Variants in PCMTD1 observed in about 807,000 individuals in gnomAD.
The protein encoded by PCMTD1 is protein-L-isoaspartate O-methyltransferase domain-containing protein 1.
In PCMTD1, 12 loss-of-function variants were observed where a neutral mutation model predicts 37.6. The observed-to-expected ratio is 0.32, with a 90% CI of 0.20 to 0.52. The LOEUF (loss-of-function observed/expected upper bound fraction) is 0.52. PCMTD1 is among the 20% of genes least tolerant of loss of function. PCMTD1 has a pLI of 0.97. For missense variants in PCMTD1, 235 were observed against 421.3 expected, an observed-to-expected ratio of 0.56 and a Z score of 3.87; for synonymous variants, 117 against 135.8, an observed-to-expected ratio of 0.86 and a Z score of 0.96.
At chr8:51,886,644 T>TTGA (rs1156588159) in intron 1 of PCMTD1, among the ~76,000 whole-genome samples, 1 of 152,196 alleles carries the variant, frequency 6.6e-6, no homozygotes, top group Admixed American at 6.5e-5. Flanking sequence ...CTGCACTAGT[T>TTGA]TTATCAGTTT....
At position 51,827,100 on chromosome 8, in the gene PCMTD1, T is replaced by A. The variant is rs2037931829; in HGVS notation, c.706+4344A>T. 7 of 1,000,992 alleles carry A rather than the reference T, an allele frequency of 7.0e-6. No individual in the cohort carries two copies. The South Asian group carries it at 2.3e-4, about 34-fold the overall frequency. The allele number at this position is 1,000,992 out of a possible 1,614,324, so 62.0% of individuals were successfully genotyped here. A position where few individuals can be genotyped will look rare whatever the true frequency, so the allele number is the denominator to read the frequency against. ...CAACAGAAAGCTATTTTAACTTACTTCTACACACCCACAAAAACTTATTCT... is the reference window on the plus strand; with the variant it reads ...CAACAGAAAGCTATTTTAACTTACTACTACACACCCACAAAAACTTATTCT... On this transcript the variant is annotated intron_variant, in intron 5 of 5. Transcript: ENST00000522514.
At chr8:51,851,346 A>AG (rs2038304644) in intron 2 of PCMTD1, among the ~76,000 whole-genome samples, 1 of 152,230 alleles carries the variant, frequency 6.6e-6, no homozygotes, top group Non-Finnish European at 1.5e-5. Context: ...TGTTTACATA[A>AG]GATCTCAAAG....
At chr8:51,885,213 T>C (rs1310287665) in intron 1 of PCMTD1, among the ~76,000 whole-genome samples, 2 of 152,166 alleles carry the variant, frequency 1.3e-5, no homozygotes, top group Non-Finnish European at 2.9e-5. Context: ...AATTACTATA[T>C]CCCACAAACA....
At chr8:51,868,299 GC>G (rs764863793) in intron 1 of PCMTD1, among the ~76,000 whole-genome samples, 9 of 152,130 alleles carry the variant, frequency 5.9e-5, no homozygotes, top group Admixed American at 1.3e-4. Flanking sequence ...GGGCATGGGA[GC>G]TAAAACCTTA....
At chr8:51,863,557 TG>T (rs1454230572) in intron 1 of PCMTD1, among the ~76,000 whole-genome samples, 1 of 152,162 alleles carries the variant, frequency 6.6e-6, no homozygotes, top group African/African-American at 2.4e-5. Context: ...TCAAAGTGGG[TG>T]GGTGGATCAC....
chr8:51,891,587 C>G (rs2038936485), intron 1 of PCMTD1, among the ~76,000 whole-genome samples: 1 of 150,368 alleles, frequency 6.7e-6, no homozygotes, highest in African/African-American at 2.4e-5. Context: ...CACTCAAATC[C>G]CAAATTTAGC....
intron 1 of PCMTD1, among the ~76,000 whole-genome samples, chr8:51,878,254 T>TTTG (rs1167154057): frequency 1.3e-4 from 19 of 149,492 alleles, no homozygotes; most frequent in South Asian, 8.5e-4. Context: ...TTTTTGGTTT[T>TTTG]TTTTTTTTTT....
chr8:51,846,212 C>T (rs1333687359), intron 2 of PCMTD1, among the ~76,000 whole-genome samples: 1 of 152,160 alleles, frequency 6.6e-6, no homozygotes, highest in Non-Finnish European at 1.5e-5. Flanking sequence ...CCAGTAGAGG[C>T]TAAATTCCCA....
chr8:51,897,476 G>A (rs1434385028), intron 1 of PCMTD1, among the ~76,000 whole-genome samples: 1 of 151,352 alleles, frequency 6.6e-6, no homozygotes. Flanking sequence ...AATTACAAGT[G>A]TTCAACTGAC....
At chr8:51,847,679 T>C (rs2038242484) in intron 2 of PCMTD1, among the ~76,000 whole-genome samples, 2 of 152,126 alleles carry the variant, frequency 1.3e-5, no homozygotes, top group Admixed American at 6.5e-5. Context: ...ATTATGTACA[T>C]AGTAAGAAAA....
At chr8:51,829,627 G>A (rs761743928) in intron 5 of PCMTD1, among the ~76,000 whole-genome samples, 3 of 152,040 alleles carry the variant, frequency 2.0e-5, no homozygotes, top group Non-Finnish European at 2.9e-5. Context: ...AAAACTAGCC[G>A]AGCATGGTGG....
At chr8:51,844,292 T>A (rs568306833) in intron 3 of PCMTD1, among the ~76,000 whole-genome samples, 1 of 152,274 alleles carries the variant, frequency 6.6e-6, no homozygotes, top group East Asian at 1.9e-4. Context: ...AAAATGTGCA[T>A]TACGTGTTGT....
intron 3 of PCMTD1, chr8:51,845,408 G>C: frequency 2.9e-6 from 1 of 340,792 alleles, no homozygotes; most frequent in Non-Finnish European, 5.5e-6. Flanking sequence ...AAAGATAGCT[G>C]AATGTTTAAT....
chr8:51,842,983 TAATTA>T (rs1247306841), intron 3 of PCMTD1, among the ~76,000 whole-genome samples: 1 of 152,186 alleles, frequency 6.6e-6, no homozygotes, highest in Non-Finnish European at 1.5e-5. Context: ...GAACCATACA[TAATTA>T]AATAAAACTG....
chr8:51,846,774 T>TGTAAAATA, intron 2 of PCMTD1, among the ~76,000 whole-genome samples: 2 of 152,238 alleles, frequency 1.3e-5, no homozygotes, highest in African/African-American at 4.8e-5. Context: ...TGTTTGAATG[T>TGTAAAATA]TGAAACAGTA....
At chr8:51,886,393 C>T (rs930050376) in intron 1 of PCMTD1, among the ~76,000 whole-genome samples, 1 of 152,178 alleles carries the variant, frequency 6.6e-6, no homozygotes, top group African/African-American at 2.4e-5. Flanking sequence ...GTGAAAAGCC[C>T]TTTTGTCAAT....
chr8:51,865,029 G>A (rs2038530667), intron 1 of PCMTD1, among the ~76,000 whole-genome samples: 1 of 152,054 alleles, frequency 6.6e-6, no homozygotes, highest in South Asian at 2.1e-4. Flanking sequence ...TATCACAGAA[G>A]TACAAAGGGT....
chr8:51,825,263 C>T (rs1051544148), intron 5 of PCMTD1, among the ~76,000 whole-genome samples: 1 of 152,142 alleles, frequency 6.6e-6, no homozygotes, highest in Non-Finnish European at 1.5e-5. Flanking sequence ...AGACAACCTA[C>T]AGAATGGGAG....
At chr8:51,879,054 A>T (rs551544412) in intron 1 of PCMTD1, among the ~76,000 whole-genome samples, 21 of 152,234 alleles carry the variant, frequency 1.4e-4, no homozygotes, top group African/African-American at 4.6e-4. Flanking sequence ...TGAGCCTGGG[A>T]GGTCAAGGCT....
Sources: allele counts gnomAD v4.1 joint callset (sites outside exome capture counted in the v4.1 genomes callset), GRCh38; gene constraint gnomAD v4.1.1; transcripts MANE v1.5; gene names NCBI Gene and HGNC (gene_info 2026-07-23, HGNC 2026-07-21).